Variants in PLD5 observed in about 807,000 individuals in gnomAD.
PLD5 encodes the protein phospholipase D family member 5, also known as inactive phospholipase D5.
PLD5 carries 36 observed loss-of-function variants against 61.1 expected under a neutral mutation model. That is an observed-to-expected ratio of 0.59 (90% CI 0.45 to 0.78). The LOEUF (loss-of-function observed/expected upper bound fraction) is 0.78, where lower values mean the gene tolerates loss of function less well. Ranked by LOEUF, PLD5 falls within the 30% of genes least tolerant of loss-of-function variation. The probability of loss-of-function intolerance (pLI) is 0.00; values close to 1 mark genes in which losing one functional copy is unlikely to be tolerated. For synonymous variants in PLD5, 243 were observed against 242.8 expected (o/e 1.00, Z -0.01); for missense variants, 515 against 644.4 (o/e 0.80, Z 2.17).
intron 2 of PLD5, among the ~76,000 whole-genome samples, chr1:242,320,268 C>T (rs1277058916): frequency 4.6e-5 from 7 of 152,158 alleles, no homozygotes; most frequent in Admixed American, 3.9e-4. Context: ...TTGAACAGTG[C>T]AACATGAAGT....
chr1:242,431,222 C>T (rs912762373), intron 1 of PLD5, among the ~76,000 whole-genome samples: 1 of 152,156 alleles, frequency 6.6e-6, no homozygotes, highest in African/African-American at 2.4e-5. Flanking sequence ...AACAATAATT[C>T]TCCATTTCCC....
At chr1:242,321,164 C>T (rs917059432) in intron 2 of PLD5, among the ~76,000 whole-genome samples, 5 of 152,078 alleles carry the variant, frequency 3.3e-5, no homozygotes, top group African/African-American at 1.2e-4. Context: ...GGGGACTTGA[C>T]ACCTACAGAA....
chr1:242,132,228 T>TCATGAGAG (rs1241985447), intron 5 of PLD5, among the ~76,000 whole-genome samples: 1 of 109,152 alleles, frequency 9.2e-6, no homozygotes, highest in Non-Finnish European at 1.8e-5. Flanking sequence ...TTTAGCTAGG[T>TCATGAGAG]CATGAGAGGC....
intron 1 of PLD5, among the ~76,000 whole-genome samples, chr1:242,385,257 A>T (rs192823105): frequency 8.5e-5 from 13 of 152,292 alleles, no homozygotes; most frequent in Admixed American, 2.6e-4. Flanking sequence ...TTATTCTAAA[A>T]TGTTGGGGAA....
intron 5 of PLD5, among the ~76,000 whole-genome samples, chr1:242,171,999 C>T (rs181181415): frequency 6.6e-5 from 10 of 152,276 alleles, no homozygotes; most frequent in South Asian, 4.1e-4. Flanking sequence ...AGAAAATCAA[C>T]GAAGATATTC....
chr1:242,384,542 A>G (rs1662487069), intron 1 of PLD5, among the ~76,000 whole-genome samples: 1 of 152,212 alleles, frequency 6.6e-6, no homozygotes, highest in Non-Finnish European at 1.5e-5. Flanking sequence ...TTCCTTTGGG[A>G]TATGCCTTCC....
intron 6 of PLD5, among the ~76,000 whole-genome samples, chr1:242,114,712 G>A (rs1214385115): frequency 1.3e-5 from 2 of 152,152 alleles, no homozygotes; most frequent in African/African-American, 4.8e-5. Context: ...AGGGATCTAG[G>A]TTGTGTGATC....
intron 1 of PLD5, among the ~76,000 whole-genome samples, chr1:242,384,579 G>A (rs1662488946): frequency 6.6e-6 from 1 of 152,162 alleles, no homozygotes; most frequent in African/African-American, 2.4e-5. Context: ...CCACAATGAC[G>A]CTTCGTCTTA....
chr1:242,269,474 C>T (rs1465669988), intron 3 of PLD5, among the ~76,000 whole-genome samples: 1 of 150,902 alleles, frequency 6.6e-6, no homozygotes, highest in African/African-American at 2.4e-5. Context: ...AAACCTGTTT[C>T]TCTACCCTCC....
At chr1:242,221,912 C>T (rs939436096) in intron 4 of PLD5, among the ~76,000 whole-genome samples, 6 of 152,086 alleles carry the variant, frequency 3.9e-5, no homozygotes, top group African/African-American at 1.2e-4. Flanking sequence ...AACAAAGTAC[C>T]CTAATCTGGA....
chr1:242,374,061 G>C (rs1333320933), intron 1 of PLD5, among the ~76,000 whole-genome samples: 1 of 152,092 alleles, frequency 6.6e-6, no homozygotes, highest in Non-Finnish European at 1.5e-5. Context: ...TATCTACAAG[G>C]AGAGTGCAGG....
intron 1 of PLD5, among the ~76,000 whole-genome samples, chr1:242,514,529 C>T (rs994754593): frequency 2.7e-4 from 41 of 152,054 alleles, no homozygotes; most frequent in African/African-American, 9.9e-4. Flanking sequence ...TACAACAAAT[C>T]CCCGTGACAT....
chr1:242,417,309 G>T (rs1161030141), intron 1 of PLD5, among the ~76,000 whole-genome samples: 1 of 152,180 alleles, frequency 6.6e-6, no homozygotes, highest in African/African-American at 2.4e-5. Context: ...TTAAAACAGG[G>T]ATAGGGTGGA....
intron 1 of PLD5, among the ~76,000 whole-genome samples, chr1:242,367,436 G>A (rs747830058): frequency 1.3e-5 from 2 of 152,046 alleles, no homozygotes; most frequent in East Asian, 1.9e-4. Flanking sequence ...CTCCTACCCT[G>A]TCCTTCTGCC....
chr1:242,356,116 C>T (rs562088186), intron 1 of PLD5, among the ~76,000 whole-genome samples: 2 of 151,842 alleles, frequency 1.3e-5, no homozygotes, highest in East Asian at 3.9e-4. Flanking sequence ...AAATGTTGCT[C>T]AAGTCCACTG....
intron 5 of PLD5, among the ~76,000 whole-genome samples, chr1:242,207,800 TTATATATATTTATATTTATATATTTATA>T (rs1669446312): frequency 1.2e-5 from 1 of 86,114 alleles, no homozygotes; most frequent in East Asian, 3.0e-4. Context: ...TTATATATAT[TTATATATATTTATATTTATATATTTATA>T]TATATTTATA....
At chr1:242,267,235 C>T (rs181691002) in intron 3 of PLD5, among the ~76,000 whole-genome samples, 2 of 150,528 alleles carry the variant, frequency 1.3e-5, no homozygotes, top group African/African-American at 2.4e-5. Context: ...AGATCAAGAC[C>T]CTGAAGCTTT....
At chr1:242,465,438 T>C (rs930970142) in intron 1 of PLD5, among the ~76,000 whole-genome samples, 1 of 152,208 alleles carries the variant, frequency 6.6e-6, no homozygotes, top group Admixed American at 6.5e-5. Flanking sequence ...ATGTCACTTG[T>C]CTACTTGAAA....
chr1:242,203,750 C>T (rs1669139680), intron 5 of PLD5: 1 of 152,246 alleles, frequency 6.6e-6, no homozygotes, highest in African/African-American at 2.4e-5. Context: ...AAATGTGAGC[C>T]AATTAAACCT....
Sources: allele counts gnomAD v4.1 joint callset (sites outside exome capture counted in the v4.1 genomes callset), GRCh38; gene constraint gnomAD v4.1.1; transcripts MANE v1.5; gene names NCBI Gene and HGNC (gene_info 2026-07-23, HGNC 2026-07-21).